MTARC2: variants seen among roughly 807,000 people sequenced by gnomAD.
MTARC2 encodes MOCO sulphurase C-terminal domain containing 2.
MTARC2 carries 27 observed loss-of-function variants against 35.6 expected under a neutral mutation model. The observed-to-expected ratio is 0.76, with a 90% confidence interval of 0.56 to 1.04. MTARC2 has a LOEUF of 1.04. Ranked by LOEUF, MTARC2 falls within the 50% of genes least tolerant of loss-of-function variation. The pLI is 0.00. For synonymous variants in MTARC2, 158 were observed against 167.1 expected (o/e 0.95, Z 0.42); for missense variants, 412 against 432.5 (o/e 0.95, Z 0.42).
chr1:220,780,085 G>A lies in MTARC2; in HGVS notation c.812+6G>A, dbSNP rs1362137965. On this transcript the variant is annotated splice_donor_region_variant and intron_variant, in intron 5 of 7. Coordinates refer to ENST00000366913, the MANE Select transcript of MTARC2 (RefSeq NM_017898.5). The stretch of plus-strand genomic sequence containing the variant: ...AAGGTAATGGCATGCCCCAGGTAAG[G>A]AGCCTAGCTAGACCCCAGGACTGTG... 5 of 1,561,056 alleles carry A rather than the reference G, an allele frequency of 3.2e-6. No individual in the cohort carries two copies. The highest frequency in any genetic ancestry group is 4.3e-6 in the Non-Finnish European group (5 of 1,161,626).
At chr1:220,758,856 T>G (rs750164444) in intron 2 of MTARC2, among the ~76,000 whole-genome samples, 26 of 151,408 alleles carry the variant, frequency 1.7e-4, no homozygotes, top group African/African-American at 2.4e-4. Context: ...TGTGTCTGGG[T>G]GTGTGTGTGT....
At chr1:220,753,379 G>A (rs1671184797) in intron 1 of MTARC2, among the ~76,000 whole-genome samples, 1 of 152,264 alleles carries the variant, frequency 6.6e-6, no homozygotes, top group Non-Finnish European at 1.5e-5. Flanking sequence ...CATAATGCCA[G>A]TTAGCAGAGC....
rs1671240021 is a variant in MTARC2, at chr1:220,755,091, G to T, written c.417G>T (p.Gln139His). The T allele has an allele frequency of 6.2e-7, 1 of 1,611,036 alleles. No homozygotes were observed. ...ACCAGCTGGTTTTGCCTAGCAAGCA[G>T]CCTTCCTCAAACAAACTCCACAACT... ...DMDQLVLPSK[Q>H]PSSNKLHNCR... is the part of the protein sequence containing the mutation. Residue 139 changes from glutamine to histidine, a missense_variant, in exon 2 of 8, where the codon CAG (glutamine) becomes CAT (histidine). Physicochemically the swap from Gln to His is conservative, Grantham distance 24 (BLOSUM62 0). Transcript: ENST00000366913.
At position 220,780,159 on chromosome 1, in the gene MTARC2, G is replaced by T; in HGVS notation, c.813-9G>T. 3 of 1,612,598 alleles carry T rather than the reference G, an allele frequency of 1.9e-6. No individual in the cohort carries two copies. The highest frequency in any genetic ancestry group is 2.5e-6 in the Non-Finnish European group (3 of 1,179,424). On this transcript the variant is annotated splice_polypyrimidine_tract_variant and intron_variant, in intron 5 of 7. Coordinates refer to ENST00000366913, the MANE Select transcript of MTARC2 (RefSeq NM_017898.5). Reference sequence around the variant, plus strand: ...AAGCATCACCTAACCCTTGGTTACTGCATAACAGGTGTATTTTGACAACGG... The same window carrying T: ...AAGCATCACCTAACCCTTGGTTACTTCATAACAGGTGTATTTTGACAACGG...
chr1:220,772,364 T>C (rs1671768009), intron 4 of MTARC2, among the ~76,000 whole-genome samples: 2 of 152,390 alleles, frequency 1.3e-5, no homozygotes, highest in East Asian at 1.9e-4. Flanking sequence ...CTTTTCATTG[T>C]GCTCTTCCTG....
At chr1:220,762,828 T>C in intron 3 of MTARC2, 82 bp from the exon 4 acceptor site, 2 of 1,498,968 alleles carry the variant, frequency 1.3e-6, no homozygotes, top group South Asian at 1.2e-5. Context: ...GAGGTTTTGC[T>C]TCTGGACATT....
At chr1:220,756,531 C>T (rs996575294) in intron 2 of MTARC2, 2 of 152,262 alleles carry the variant, frequency 1.3e-5, no homozygotes, top group African/African-American at 2.4e-5. Context: ...TTTGAACCCA[C>T]TTCCCTCCTA....
intron 4 of MTARC2, among the ~76,000 whole-genome samples, chr1:220,766,870 A>AG (rs1453667359): frequency 6.6e-6 from 1 of 151,314 alleles, no homozygotes; most frequent in African/African-American, 2.4e-5. Flanking sequence ...CAAAAAAAAA[A>AG]AAAAAGGCTA....
chr1:220,771,315 A>AAG (rs1462301442), intron 4 of MTARC2, among the ~76,000 whole-genome samples: 1 of 151,732 alleles, frequency 6.6e-6, no homozygotes, highest in Non-Finnish European at 1.5e-5. Context: ...AAAAAAAAAA[A>AAG]AAAAGCCTTA....
intron 3 of MTARC2, among the ~76,000 whole-genome samples, 156 bp from the exon 4 acceptor site, chr1:220,762,754 C>T (rs1201962118): frequency 6.6e-6 from 1 of 152,190 alleles, no homozygotes; most frequent in African/African-American, 2.4e-5. Context: ...CAGCTCCTGG[C>T]CACTGCAAGC....
rs768356763 is a variant in MTARC2 at position 220,763,485 on chromosome 1, A to G, written c.750+435A>G. ...AGGACACAGGCAATCTGCCCCGGAG[A>G]CATACCATGCTGTGGCCTGAGTTCT... On this transcript the variant is annotated intron_variant, in intron 4 of 7. Transcript: ENST00000366913. Among the ~76,000 whole-genome samples, 87 of 152,174 alleles carry G rather than the reference A, an allele frequency of 5.7e-4. 1 individual carries two copies. The highest frequency in any genetic ancestry group is 7.2e-4 in the Non-Finnish European group (49 of 68,038).
Position 220,784,637 on chromosome 1 carries a change from G to C in MTARC2, c.*750G>C, listed in dbSNP as rs925403839. On this transcript the variant is annotated 3_prime_UTR_variant, in exon 8 of 8. Coordinates refer to ENST00000366913, the MANE Select transcript of MTARC2 (RefSeq NM_017898.5). ...TGGAATTTTGAGAGTAGGAATGCAA[G>C]GAAGACAGCATGAACATATTTTTTT... 1 of 152,142 alleles carries C rather than the reference G, an allele frequency of 6.6e-6. No homozygotes were observed. The highest frequency in any genetic ancestry group is 2.4e-5 in the African/African-American group (1 of 41,414). 9.4% of individuals were successfully genotyped at this position (152,142 alleles called of 1,614,324 possible). A position where few individuals can be genotyped will look rare whatever the true frequency, so the allele number is the denominator to read the frequency against.
intron 1 of MTARC2, among the ~76,000 whole-genome samples, chr1:220,749,427 C>CTT (rs60380640): frequency 2.5e-4 from 25 of 98,572 alleles, no homozygotes; most frequent in East Asian, 5.9e-4. Flanking sequence ...ATGCCTTCTT[C>CTT]TTTTTTTTTT....
chr1:220,769,393 C>G (rs1013398774), intron 4 of MTARC2, among the ~76,000 whole-genome samples: 2 of 152,194 alleles, frequency 1.3e-5, no homozygotes, highest in Non-Finnish European at 2.9e-5. Context: ...CTGCCTGGGC[C>G]GGTGGGTCCC....
At chr1:220,758,026 C>A (rs1345823357) in intron 2 of MTARC2, among the ~76,000 whole-genome samples, 1 of 152,032 alleles carries the variant, frequency 6.6e-6, no homozygotes, top group Admixed American at 6.6e-5. Context: ...GCTCTGTCAC[C>A]CGGGCTGGAG....
chr1:220,754,447 G>A (rs1671221891), intron 1 of MTARC2: 1 of 456,320 alleles, frequency 2.2e-6, no homozygotes, highest in Non-Finnish European at 4.4e-6. Flanking sequence ...GTTAAACAGA[G>A]CAGAGGCTGG....
At chr1:220,763,466 C>A (rs1162690359) in intron 4 of MTARC2, among the ~76,000 whole-genome samples, 1 of 152,204 alleles carries the variant, frequency 6.6e-6, no homozygotes, top group Non-Finnish European at 1.5e-5. Context: ...CAAGAGGACA[C>A]AGGCAATCTG....
At chr1:220,771,954 G>C (rs1671755515) in intron 4 of MTARC2, among the ~76,000 whole-genome samples, 1 of 152,110 alleles carries the variant, frequency 6.6e-6, no homozygotes, top group Non-Finnish European at 1.5e-5. Flanking sequence ...ACTATTAAAA[G>C]GTAGCCTGTG....
chr1:220,761,160 T>C (rs1395915038), intron 2 of MTARC2, among the ~76,000 whole-genome samples: 1 of 152,212 alleles, frequency 6.6e-6, no homozygotes, highest in Non-Finnish European at 1.5e-5. Context: ...GTAGGTACCA[T>C]ATAATTATTT....
Sources: gnomAD v4.1 joint callset for allele counts (sites outside exome capture counted in the v4.1 genomes callset) on GRCh38, gnomAD v4.1.1 for gene constraint, MANE v1.5 for transcripts, NCBI Gene and HGNC (gene_info 2026-07-23, HGNC 2026-07-21) for gene names.